Variants in TENM3 observed in about 807,000 individuals in gnomAD.
The protein encoded by TENM3 is teneurin transmembrane protein 3.
TENM3 carries 63 observed loss-of-function variants against 255.1 expected under a neutral mutation model. The observed-to-expected ratio is 0.25, with a 90% CI of 0.20 to 0.30. The LOEUF is 0.30. Ranked by LOEUF, TENM3 falls within the 10% of genes least tolerant of loss-of-function variation. The probability of loss-of-function intolerance (pLI) is 1.00; values close to 1 mark genes in which losing one functional copy is unlikely to be tolerated. For missense variants in TENM3, 2,929 were observed against 3,461.1 expected, an observed-to-expected ratio of 0.85 and a Z score of 3.86; for synonymous variants, 1,306 against 1,322.3, an observed-to-expected ratio of 0.99 and a Z score of 0.27.
the TENM3 span, among the ~76,000 whole-genome samples, chr4:181,685,233 A>G: frequency 2.0e-5 from 3 of 152,112 alleles, no homozygotes; most frequent in African/African-American, 4.8e-5. Context: ...GTTTAATAAG[A>G]TATTTTGCTC....
the TENM3 span, among the ~76,000 whole-genome samples, chr4:182,011,134 C>T: frequency 1.3e-5 from 2 of 152,224 alleles, no homozygotes; most frequent in African/African-American, 2.4e-5. Flanking sequence ...CCAGCCCTGA[C>T]CTTTTCTTGG....
the TENM3 span, among the ~76,000 whole-genome samples, chr4:182,021,668 T>A: frequency 1.3e-5 from 2 of 152,200 alleles, no homozygotes; most frequent in Non-Finnish European, 2.9e-5. Flanking sequence ...TAGCCTTGCA[T>A]ATCACTGTAT....
chr4:181,990,828 A>T, the TENM3 span, among the ~76,000 whole-genome samples: 1 of 152,154 alleles, frequency 6.6e-6, no homozygotes, highest in Admixed American at 6.6e-5. Flanking sequence ...CAAGCAGACA[A>T]TTTGAAAGGA....
the TENM3 span, among the ~76,000 whole-genome samples, chr4:181,911,502 G>C: frequency 2.6e-5 from 4 of 152,182 alleles, no homozygotes. Context: ...CAGATAAAAT[G>C]TGTTTGAAGG....
At chr4:182,538,554 C>A (rs567612830) in intron 3 of TENM3, among the ~76,000 whole-genome samples, 1 of 152,132 alleles carries the variant, frequency 6.6e-6, no homozygotes, top group Non-Finnish European at 1.5e-5. Context: ...CAGCATAATG[C>A]AAGGTGAGCT....
the TENM3 span, among the ~76,000 whole-genome samples, chr4:181,879,864 T>G: frequency 6.6e-6 from 1 of 151,656 alleles, no homozygotes; most frequent in African/African-American, 2.4e-5. Context: ...GCAAGCGTCA[T>G]GCACATAAAA....
Position 182,174,029 on chromosome 4 carries a change from T to C in TENM3, c.-76+29275T>C, listed in dbSNP as rs140990433. ...TCACTTTCTTGTAAGCCATAAAACA[T>C]TTAAAAAGCAGACTTTATGCAAATT... On this transcript the variant is annotated intron_variant, in intron 1 of 2. Transcript: ENST00000512480. Among the ~76,000 whole-genome samples the C allele has an allele frequency of 1.6e-4, 25 of 152,166 alleles. No individual in the cohort carries two copies. In the East Asian group the frequency reaches 4.8e-3, roughly 29 times the overall value.
intron 3 of TENM3, among the ~76,000 whole-genome samples, chr4:182,379,862 T>C (rs1767448127): frequency 6.6e-6 from 1 of 152,220 alleles, no homozygotes; most frequent in South Asian, 2.1e-4. Flanking sequence ...GAGAATCTAC[T>C]TCACAGGGTT....
chr4:181,526,370 A>G, the TENM3 span, among the ~76,000 whole-genome samples: 1 of 152,014 alleles, frequency 6.6e-6, no homozygotes, highest in Non-Finnish European at 1.5e-5. Context: ...TCAAACCCAT[A>G]TTTGACAAGC....
At chr4:182,066,510 G>T in the TENM3 span, among the ~76,000 whole-genome samples, 2,215 of 151,546 alleles carry the variant, frequency 0.015, 47 homozygotes, top group African/African-American at 0.051. Context: ...AAGAATGGAG[G>T]CTAAAAAAAT....
At chr4:182,275,553 G>A (rs567211397) in intron 1 of TENM3, among the ~76,000 whole-genome samples, 1 of 152,066 alleles carries the variant, frequency 6.6e-6, no homozygotes, top group Non-Finnish European at 1.5e-5. Flanking sequence ...CCTTGTTTTC[G>A]TGAAACTTTG....
In TENM3 at chr4:182,346,818, C is replaced by A; in HGVS notation, c.400C>A (p.Leu134Ile). 6.2e-7 allele frequency: 1 copy of A among 1,613,432 alleles called. No homozygotes were observed. Among genetic ancestry groups the A allele is most frequent in the East Asian group, 2.2e-5 (1 of 44,832 alleles). The part of the protein sequence containing the change: ...AVMSPEHAMR[L>I]WGRGVKSGRS... Reference sequence around the variant, plus strand: ...GATGTCCCCAGAGCATGCCATGAGACTTTGGGGCAGGGGGGTCAAATCAGG... The same window carrying A: ...GATGTCCCCAGAGCATGCCATGAGAATTTGGGGCAGGGGGGTCAAATCAGG... The change falls in exon 3 of 28, where the codon CTT (leucine) becomes ATT (isoleucine). Residue 134 changes from leucine to isoleucine, a missense_variant. Around this residue, in one of 6 missense-constraint regions of TENM3, gnomAD observed 283 missense variants for 256.9 expected, o/e 1.10. Coordinates refer to ENST00000511685, the MANE Select transcript of TENM3 (RefSeq NM_001080477.4).
the TENM3 span, among the ~76,000 whole-genome samples, chr4:181,986,274 T>C: frequency 3.9e-5 from 6 of 152,142 alleles, no homozygotes; most frequent in East Asian, 1.2e-3. Flanking sequence ...TTCCTTTTTC[T>C]CTTGAAGATC....
chr4:181,793,361 C>G, the TENM3 span, among the ~76,000 whole-genome samples: 1 of 152,190 alleles, frequency 6.6e-6, no homozygotes, highest in Non-Finnish European at 1.5e-5. Flanking sequence ...ACCACAAACT[C>G]GCTGAGCCCA....
At chr4:181,463,910 G>A in the TENM3 span, among the ~76,000 whole-genome samples, 1 of 152,092 alleles carries the variant, frequency 6.6e-6, no homozygotes, top group Non-Finnish European at 1.5e-5. Context: ...TACAAGACAT[G>A]GTGTTCTTTG....
chr4:182,684,047 G>A lies in TENM3; in HGVS notation c.2035+2033G>A, dbSNP rs79293111. 9.2e-3 allele frequency among the ~76,000 whole-genome samples: 1,401 copies of A among 151,882 alleles called. 6 individuals are homozygous for A. The highest frequency in any genetic ancestry group is 0.021 in the African/African-American group (888 of 41,454). ...GGGAGGCTGATTGAAGAGGCAGGAC[G>A]TAGGGAGGCAATGGAAGAGAAGTGA... On this transcript the variant is annotated intron_variant, in intron 11 of 27. Transcript: ENST00000511685.
chr4:181,679,890 G>A, the TENM3 span, among the ~76,000 whole-genome samples: 1 of 152,092 alleles, frequency 6.6e-6, no homozygotes, highest in African/African-American at 2.4e-5. Flanking sequence ...TCAAAGTGGG[G>A]TTCAGGCAGT....
intron 1 of TENM3, among the ~76,000 whole-genome samples, chr4:182,157,105 T>C (rs950309489): frequency 3.3e-5 from 5 of 152,194 alleles, no homozygotes; most frequent in Non-Finnish European, 7.3e-5. Flanking sequence ...TCCTGCAGCA[T>C]GCAGACGTTA....
the TENM3 span, among the ~76,000 whole-genome samples, chr4:181,526,382 A>C: frequency 6.6e-6 from 1 of 152,156 alleles, no homozygotes; most frequent in South Asian, 2.1e-4. Context: ...TTGACAAGCA[A>C]AGCAGTGTGG....
Sources: allele counts gnomAD v4.1 joint callset (sites outside exome capture counted in the v4.1 genomes callset), GRCh38; gene constraint gnomAD v4.1.1; regional missense constraint gnomAD v4.1.1; transcripts MANE v1.5; gene names NCBI Gene and HGNC (gene_info 2026-07-23, HGNC 2026-07-21).